The following NUBPL variants were observed in gnomAD, a reference collection of about 807,000 sequenced individuals.
NUBPL encodes the protein NUBP iron-sulfur cluster assembly factor, mitochondrial.
In NUBPL, 31 loss-of-function variants were observed where a neutral mutation model predicts 45.7. The observed-to-expected ratio is 0.68, with a 90% CI of 0.51 to 0.92. The LOEUF (loss-of-function observed/expected upper bound fraction) is 0.92. Ranked by LOEUF, NUBPL falls within the 40% of genes least tolerant of loss-of-function variation. NUBPL has a pLI of 0.00. For synonymous variants in NUBPL, 144 were observed against 140.9 expected, an observed-to-expected ratio of 1.02 and a Z score of -0.15; for missense variants, 401 against 398.7, an observed-to-expected ratio of 1.01 and a Z score of -0.05.
chr14:31,708,748 A>G (rs1470762059), intron 6 of NUBPL, among the ~76,000 whole-genome samples: 1 of 152,142 alleles, frequency 6.6e-6, no homozygotes, highest in Non-Finnish European at 1.5e-5. Context: ...GGGTGATGAC[A>G]TGAGCTGGCG....
At chr14:31,592,604 A>T (rs2034170951) in intron 3 of NUBPL, among the ~76,000 whole-genome samples, 1 of 150,554 alleles carries the variant, frequency 6.6e-6, no homozygotes, top group Non-Finnish European at 1.5e-5. Context: ...AATGTTTACT[A>T]TGTTTTTTTA....
chr14:31,705,674 C>T (rs1244397721), intron 6 of NUBPL, among the ~76,000 whole-genome samples: 3 of 152,142 alleles, frequency 2.0e-5, no homozygotes, highest in Admixed American at 6.5e-5. Context: ...ATTTACAAAC[C>T]TCTAGCTAGA....
At chr14:31,847,928 A>G (rs1161019068) in intron 9 of NUBPL, among the ~76,000 whole-genome samples, 1 of 152,222 alleles carries the variant, frequency 6.6e-6, no homozygotes, top group Admixed American at 6.5e-5. Flanking sequence ...TAACAGATTG[A>G]CATTCGCTTA....
chr14:31,703,321 G>A (rs2037378700), intron 6 of NUBPL: 2 of 152,564 alleles, frequency 1.3e-5, no homozygotes, highest in Non-Finnish European at 2.9e-5. Context: ...TTACCCTTGG[G>A]AATTGAGCAC....
chr14:31,725,709 CTT>C (rs375160082), intron 6 of NUBPL, among the ~76,000 whole-genome samples: 1 of 104,968 alleles, frequency 9.5e-6, no homozygotes, highest in African/African-American at 3.8e-5. Flanking sequence ...TAGATTTCAG[CTT>C]TTTTTTTTTT....
At chr14:31,660,103 C>A (rs1198717743) in intron 4 of NUBPL, among the ~76,000 whole-genome samples, 1 of 152,158 alleles carries the variant, frequency 6.6e-6, no homozygotes, top group Non-Finnish European at 1.5e-5. Flanking sequence ...GCTCCTTTCT[C>A]AAATTTTCTG....
chr14:31,631,509 G>C (rs897424567), intron 4 of NUBPL, among the ~76,000 whole-genome samples: 6 of 147,200 alleles, frequency 4.1e-5, no homozygotes, highest in African/African-American at 1.5e-4. Context: ...CACACACAAA[G>C]AGATTTATTA....
At chr14:31,661,511 C>A (rs987950165) in intron 4 of NUBPL, among the ~76,000 whole-genome samples, 15 of 152,262 alleles carry the variant, frequency 9.9e-5, no homozygotes, top group African/African-American at 3.4e-4. Flanking sequence ...AAAAATATGG[C>A]TTCAGACTAT....
chr14:31,590,128 C>A (rs1488391829), intron 3 of NUBPL, among the ~76,000 whole-genome samples: 1 of 152,250 alleles, frequency 6.6e-6, no homozygotes, highest in East Asian at 1.9e-4. Flanking sequence ...TTATCCAAAT[C>A]TTTCTCACAG....
chr14:31,588,346 ATTCT>A (rs1441136657), intron 3 of NUBPL, among the ~76,000 whole-genome samples: 1 of 152,206 alleles, frequency 6.6e-6, no homozygotes, highest in East Asian at 1.9e-4. Context: ...ACTGTTAGCT[ATTCT>A]TTAAGTTTCA....
intron 6 of NUBPL, among the ~76,000 whole-genome samples, chr14:31,759,361 T>C (rs1372221220): frequency 1.3e-5 from 2 of 152,098 alleles, no homozygotes; most frequent in African/African-American, 2.4e-5. Flanking sequence ...CAGTTACATA[T>C]ATGCCGCATA....
chr14:31,850,699 C>T (rs1444961290), intron 10 of NUBPL, among the ~76,000 whole-genome samples: 4 of 152,108 alleles, frequency 2.6e-5, no homozygotes, highest in Non-Finnish European at 5.9e-5. Context: ...CAGCTCACTG[C>T]AGCCTTGACT....
At chr14:31,719,010 A>G (rs1263028199) in intron 6 of NUBPL, among the ~76,000 whole-genome samples, 7 of 152,208 alleles carry the variant, frequency 4.6e-5, no homozygotes, top group Admixed American at 3.3e-4. Flanking sequence ...AAATGCATTT[A>G]ATACACCTAA....
intron 4 of NUBPL, among the ~76,000 whole-genome samples, chr14:31,647,265 A>G (rs2035880623): frequency 6.6e-6 from 1 of 151,898 alleles, no homozygotes; most frequent in Non-Finnish European, 1.5e-5. Context: ...TTTCTTGTGG[A>G]TGTACATCTA....
At chr14:31,564,828 G>A (rs1177967046) in intron 2 of NUBPL, among the ~76,000 whole-genome samples, 186 bp from the exon 3 acceptor site, 2 of 151,910 alleles carry the variant, frequency 1.3e-5, no homozygotes, top group Non-Finnish European at 2.9e-5. Context: ...TACTTTCTGT[G>A]TTCCTCCATG....
intron 6 of NUBPL, among the ~76,000 whole-genome samples, chr14:31,744,425 A>C (rs1005475343): frequency 5.9e-5 from 9 of 152,280 alleles, no homozygotes; most frequent in African/African-American, 2.2e-4. Context: ...TGAGTAGGAA[A>C]AATACACAGA....
intron 3 of NUBPL, among the ~76,000 whole-genome samples, chr14:31,588,913 CA>C (rs5807627): frequency 0.33 from 39,980 of 121,434 alleles, 5,399 homozygotes; most frequent in South Asian, 0.38. Context: ...GACTCCGTCT[CA>C]AAAAAAAAAA....
chr14:31,798,683 T>A (rs1327666795), intron 7 of NUBPL, among the ~76,000 whole-genome samples: 2 of 146,092 alleles, frequency 1.4e-5, no homozygotes, highest in African/African-American at 5.1e-5. Flanking sequence ...TCCTGGCTAC[T>A]CGGGAGGCTG....
chr14:31,723,968 T>C (rs2037866277), intron 6 of NUBPL, among the ~76,000 whole-genome samples: 1 of 152,236 alleles, frequency 6.6e-6, no homozygotes, highest in Non-Finnish European at 1.5e-5. Flanking sequence ...TGGTCAGGAC[T>C]TCCAATACTA....
Sources: allele counts gnomAD v4.1 joint callset (sites outside exome capture counted in the v4.1 genomes callset), GRCh38; gene constraint gnomAD v4.1.1; transcripts MANE v1.5; gene names NCBI Gene and HGNC (gene_info 2026-07-23, HGNC 2026-07-21).